MEF2A: variants seen among roughly 807,000 people sequenced by gnomAD.
MEF2A encodes the protein myocyte enhancer factor 2A, also known as myocyte-specific enhancer factor 2A.
A neutral mutation model predicts 55.8 loss-of-function variants in MEF2A; 28 were observed. That is an observed-to-expected ratio of 0.50 (90% CI 0.37 to 0.69). The LOEUF (loss-of-function observed/expected upper bound fraction) is 0.69, where lower values mean the gene tolerates loss of function less well. Ranked by LOEUF, MEF2A falls within the 30% of genes least tolerant of loss-of-function variation. The pLI is 0.00. For missense variants in MEF2A, 528 were observed against 626.2 expected (o/e 0.84, Z 1.67); for synonymous variants, 239 against 227.1 (o/e 1.05, Z -0.47).
intron 2 of MEF2A, among the ~76,000 whole-genome samples, chr15:99,618,455 T>A (rs551182844): frequency 6.6e-6 from 1 of 152,316 alleles, no homozygotes; most frequent in African/African-American, 2.4e-5. Context: ...ATTATTGGGA[T>A]AAGTTACAAA....
At chr15:99,674,218 T>C (rs2051446443) in intron 5 of MEF2A, among the ~76,000 whole-genome samples, 175 bp from the exon 6 acceptor site, 1 of 152,228 alleles carries the variant, frequency 6.6e-6, no homozygotes, top group Non-Finnish European at 1.5e-5. Flanking sequence ...GTCAGTCATA[T>C]TCATGTTCAA....
At chr15:99,670,247 T>C (rs1003508364) in intron 4 of MEF2A, among the ~76,000 whole-genome samples, 5 of 152,120 alleles carry the variant, frequency 3.3e-5, no homozygotes, top group African/African-American at 9.7e-5. Flanking sequence ...ACCAACTGTT[T>C]TTTGCATTAT....
intron 1 of MEF2A, among the ~76,000 whole-genome samples, chr15:99,586,944 G>T (rs1190991671): frequency 1.3e-5 from 2 of 152,042 alleles, no homozygotes; most frequent in African/African-American, 4.8e-5. Flanking sequence ...GACCGTATTT[G>T]TGTAGATTTA....
intron 8 of MEF2A, among the ~76,000 whole-genome samples, chr15:99,694,982 G>GT (rs56283620): frequency 0.034 from 5,030 of 147,356 alleles, 311 homozygotes; most frequent in African/African-American, 0.12. Context: ...ATTTTTGTGG[G>GT]TTTTTTTTTT....
chr15:99,674,199 A>G (rs1051407727), intron 5 of MEF2A, among the ~76,000 whole-genome samples, 194 bp from the exon 6 acceptor site: 3 of 152,162 alleles, frequency 2.0e-5, no homozygotes, highest in Admixed American at 2.0e-4. Context: ...TGAAATTGAA[A>G]AGGCTCATGT....
intron 8 of MEF2A, among the ~76,000 whole-genome samples, chr15:99,698,220 G>C (rs952224305): frequency 6.6e-6 from 1 of 152,196 alleles, no homozygotes; most frequent in South Asian, 2.1e-4. Flanking sequence ...GAAAGGCACT[G>C]TTCAGAGAGT....
At chr15:99,699,323 A>G (rs1041411416) in intron 8 of MEF2A, among the ~76,000 whole-genome samples, 3 of 152,244 alleles carry the variant, frequency 2.0e-5, no homozygotes, top group African/African-American at 7.2e-5. Context: ...TAAAAGAAGC[A>G]GTAGTGTATG....
chr15:99,626,681 A>C (rs1360156559), intron 2 of MEF2A, among the ~76,000 whole-genome samples: 1 of 152,200 alleles, frequency 6.6e-6, no homozygotes, highest in Non-Finnish European at 1.5e-5. Flanking sequence ...AATAAGAGAG[A>C]ACCCGCTGAT....
intron 2 of MEF2A, among the ~76,000 whole-genome samples, chr15:99,615,480 T>G (rs902223125): frequency 1.3e-5 from 2 of 152,232 alleles, no homozygotes; most frequent in African/African-American, 2.4e-5. Context: ...TGAGCACATG[T>G]GCAGATTACT....
At chr15:99,630,683 C>T (rs1350765017) in intron 2 of MEF2A, among the ~76,000 whole-genome samples, 1 of 152,178 alleles carries the variant, frequency 6.6e-6, no homozygotes, top group Admixed American at 6.5e-5. Context: ...TACTGGTATG[C>T]AGCTAGGCCA....
rs187254693 is a variant in MEF2A, at chr15:99,692,730, A to G, written c.858+2302A>G. 2.4e-3 allele frequency among the ~76,000 whole-genome samples: 359 copies of G among 152,330 alleles called. 2 individuals carry two copies. Among genetic ancestry groups the G allele is most frequent in the Non-Finnish European group, 4.0e-3 (274 of 68,018 alleles). The stretch of plus-strand genomic sequence containing the variant: ...TGTGGTACACAACTGGGAGAGGGGA[A>G]GAGTAGCCACTACACTAGGGGCAAA... On this transcript the variant is annotated intron_variant, in intron 8 of 11. Coordinates refer to ENST00000557942, the MANE Select transcript of MEF2A (RefSeq NM_001319206.4).
intron 7 of MEF2A, among the ~76,000 whole-genome samples, chr15:99,689,274 G>A (rs570856125): frequency 1.3e-5 from 2 of 152,308 alleles, no homozygotes; most frequent in South Asian, 2.1e-4. Context: ...GAAGAAGTAC[G>A]TGGTGAAAAC....
chr15:99,575,813 G>C (rs935713398), intron 1 of MEF2A, among the ~76,000 whole-genome samples: 4 of 152,114 alleles, frequency 2.6e-5, no homozygotes, highest in African/African-American at 9.7e-5. Flanking sequence ...AGAAGACCTT[G>C]TCCTATTCAT....
chr15:99,679,705 T>G (rs1393022786), intron 7 of MEF2A, among the ~76,000 whole-genome samples: 1 of 152,246 alleles, frequency 6.6e-6, no homozygotes, highest in Non-Finnish European at 1.5e-5. Context: ...ATCTTCACTT[T>G]ATGATAAATC....
chr15:99,593,584 A>T (rs1045989466), intron 1 of MEF2A, among the ~76,000 whole-genome samples: 1 of 152,146 alleles, frequency 6.6e-6, no homozygotes, highest in Non-Finnish European at 1.5e-5. Flanking sequence ...TAATTTTGTG[A>T]GTTTCATTTT....
At chr15:99,611,816 A>G (rs2039305920) in intron 2 of MEF2A, among the ~76,000 whole-genome samples, 2 of 152,234 alleles carry the variant, frequency 1.3e-5, no homozygotes, top group African/African-American at 4.8e-5. Context: ...GTGTATCCAT[A>G]CAGTACAATA....
intron 4 of MEF2A, chr15:99,645,971 A>G (rs1471265681): frequency 1.2e-5 from 5 of 430,554 alleles, no homozygotes; most frequent in Non-Finnish European, 2.1e-5. Context: ...AAAGTAAACT[A>G]TGTTGTTTTA....
At chr15:99,649,209 G>A (rs568183839) in intron 4 of MEF2A, among the ~76,000 whole-genome samples, 12 of 152,164 alleles carry the variant, frequency 7.9e-5, no homozygotes, top group African/African-American at 2.9e-4. Flanking sequence ...AAGGTCTGCA[G>A]TGTCTTGAGG....
At chr15:99,709,062 T>A (rs921014566) in intron 10 of MEF2A, among the ~76,000 whole-genome samples, 2 of 152,296 alleles carry the variant, frequency 1.3e-5, no homozygotes, top group African/African-American at 4.8e-5. Context: ...AAGATGTCTT[T>A]GCTGTATATA....
Sources: gnomAD v4.1 joint callset for allele counts (sites outside exome capture counted in the v4.1 genomes callset) on GRCh38, gnomAD v4.1.1 for gene constraint, MANE v1.5 for transcripts, NCBI Gene and HGNC (gene_info 2026-07-23, HGNC 2026-07-21) for gene names.